AGBL4: variants seen among roughly 807,000 people sequenced by gnomAD.
The protein encoded by AGBL4 is AGBL carboxypeptidase 4.
Under a neutral mutation model 66.4 loss-of-function variants are expected in AGBL4, and 58 were observed. The ratio of observed to expected loss-of-function variants is 0.87; its 90% CI spans 0.71 to 1.09. AGBL4 has a LOEUF of 1.09. Ranked by LOEUF, AGBL4 falls within the 50% of genes least tolerant of loss-of-function variation. The pLI is 0.00. For synonymous variants in AGBL4, 234 were observed against 222.9 expected, an observed-to-expected ratio of 1.05 and a Z score of -0.44; for missense variants, 579 against 631.0, an observed-to-expected ratio of 0.92 and a Z score of 0.88.
chr1:48,580,393 C>A lies in AGBL4; in HGVS notation c.1267+6611G>T, dbSNP rs559262227. On this transcript the variant is annotated intron_variant, in intron 11 of 13. Coordinates refer to ENST00000371839, the MANE Select transcript of AGBL4 (RefSeq NM_032785.4). ...GGAGGAGTAAACAGCTACTGTTACC[C>A]AGATTGAGGGGAAAGGCTGGGAAGC... 1.1e-4 allele frequency among the ~76,000 whole-genome samples: 17 copies of A among 152,302 alleles called. No homozygotes were observed. In the South Asian group the frequency reaches 3.1e-3, roughly 28 times the overall value.
At chr1:48,865,574 G>A (rs1331490141) in intron 6 of AGBL4, among the ~76,000 whole-genome samples, 1 of 151,964 alleles carries the variant, frequency 6.6e-6, no homozygotes, top group Admixed American at 6.6e-5. Flanking sequence ...CAATCCCAAA[G>A]CTGTCTAAAT....
intron 2 of AGBL4, among the ~76,000 whole-genome samples, chr1:49,803,689 G>A (rs1269329999): frequency 1.3e-5 from 2 of 152,066 alleles, no homozygotes; most frequent in African/African-American, 4.8e-5. Context: ...GCCTCAACGT[G>A]TCGCTGACAT....
intron 11 of AGBL4, among the ~76,000 whole-genome samples, chr1:48,550,832 G>C (rs938464045): frequency 2.0e-5 from 3 of 152,158 alleles, no homozygotes; most frequent in African/African-American, 7.2e-5. Context: ...CCAGGATTCA[G>C]ACCCAGATAT....
intron 3 of AGBL4, among the ~76,000 whole-genome samples, chr1:49,390,541 T>C (rs1380207545): frequency 6.6e-6 from 1 of 152,250 alleles, no homozygotes; most frequent in African/African-American, 2.4e-5. Flanking sequence ...CATACTTGCA[T>C]TGCTTTTCAC....
chr1:49,389,820 G>A (rs187180553), intron 3 of AGBL4, among the ~76,000 whole-genome samples: 74 of 152,216 alleles, frequency 4.9e-4, no homozygotes. Flanking sequence ...TAGAAGCCAT[G>A]GCTCACATTT....
chr1:49,479,811 C>T (rs1646919053), intron 3 of AGBL4, among the ~76,000 whole-genome samples: 2 of 151,408 alleles, frequency 1.3e-5, no homozygotes, highest in Admixed American at 6.6e-5. Context: ...ACACCATTCT[C>T]CTGCCTCAGC....
intron 3 of AGBL4, among the ~76,000 whole-genome samples, chr1:49,611,657 G>C (rs775196046): frequency 6.6e-6 from 1 of 152,084 alleles, no homozygotes; most frequent in African/African-American, 2.4e-5. Flanking sequence ...GATTACAGGC[G>C]TGAGCCACCG....
At chr1:49,903,322 A>G (rs1269203411) in intron 1 of AGBL4, among the ~76,000 whole-genome samples, 2 of 152,286 alleles carry the variant, frequency 1.3e-5, no homozygotes. Context: ...GGACATAAAG[A>G]GGAGAACAAT....
At chr1:49,496,932 T>C (rs185011309) in intron 3 of AGBL4, among the ~76,000 whole-genome samples, 438 of 152,140 alleles carry the variant, frequency 2.9e-3, no homozygotes, top group African/African-American at 0.01. Flanking sequence ...TTTTAATTTT[T>C]TGAGAAACAT....
intron 5 of AGBL4, among the ~76,000 whole-genome samples, chr1:48,892,606 G>A (rs74217058): frequency 4.5e-4 from 68 of 152,226 alleles, no homozygotes; most frequent in Admixed American, 2.6e-3. Context: ...GCGGGGAGGG[G>A]GCTTCAGGGC....
chr1:48,608,874 C>A (rs536363636), intron 9 of AGBL4, among the ~76,000 whole-genome samples: 1 of 152,022 alleles, frequency 6.6e-6, no homozygotes, highest in African/African-American at 2.4e-5. Flanking sequence ...AACAATAATC[C>A]TTCACATTTG....
rs1221651473 is a variant in AGBL4 at position 48,587,043 on chromosome 1, T to G, written c.1228A>C (p.Ser410Arg). The change falls in exon 11 of 14, where the codon AGT becomes CGT. Residue 410 changes from serine to arginine, a missense_variant. By Grantham distance (110) the Ser-to-Arg change is moderately radical. Transcript: ENST00000371839. ...LEVSFYSYII[S>R]GTTAAVPYTE... ...TAGGGCACAGCAGCCGTGGTGCCAC[T>G]GATGATGTAGCTGTAGAAGGAGACC... The G allele has an allele frequency of 6.2e-7, 1 of 1,609,524 alleles. No individual in the cohort carries two copies. Among genetic ancestry groups the G allele is most frequent in the South Asian group, 1.1e-5 (1 of 89,588 alleles).
chr1:49,595,010 C>T (rs1350610454), intron 3 of AGBL4, among the ~76,000 whole-genome samples: 1 of 152,194 alleles, frequency 6.6e-6, no homozygotes, highest in African/African-American at 2.4e-5. Flanking sequence ...GTTCCTATTT[C>T]TCCACATCCT....
chr1:49,790,416 A>G (rs1644569381), intron 2 of AGBL4, among the ~76,000 whole-genome samples: 1 of 151,910 alleles, frequency 6.6e-6, no homozygotes, highest in East Asian at 1.9e-4. Flanking sequence ...GGCAAGATAA[A>G]TACCAAAAAC....
chr1:49,232,586 C>G (rs1459143965), intron 4 of AGBL4, among the ~76,000 whole-genome samples: 1 of 151,784 alleles, frequency 6.6e-6, no homozygotes, highest in Non-Finnish European at 1.5e-5. Context: ...GTAGTCCCAG[C>G]TACTTGGGAG....
chr1:49,749,277 G>T lies in AGBL4; in HGVS notation c.158-51840C>A, dbSNP rs187044577. ...TTAAATAGGGAATCCTTTCCCCATT[G>T]CTTGTTTTCGTCAGGTTTGTCAAAG... On this transcript the variant is annotated intron_variant, in intron 2 of 13. Coordinates refer to ENST00000371839, the MANE Select transcript of AGBL4 (RefSeq NM_032785.4). Among the ~76,000 whole-genome samples the T allele has an allele frequency of 6.7e-3, 1,017 of 152,166 alleles. 11 individuals are homozygous for T. The highest frequency in any genetic ancestry group is 0.021 in the African/African-American group (889 of 41,528).
rs549273018 is a variant in AGBL4, at chr1:50,014,584, GTA to G, written c.34+9177_34+9178del. ...GGAGAGAGTCTTGCTCTGTGCAATG[GTA>G]TAGTCTCAGCTCACTGCAACCTCCA... On this transcript the variant is annotated intron_variant, in intron 1 of 13. Coordinates refer to ENST00000371839, the MANE Select transcript of AGBL4 (RefSeq NM_032785.4). Among the ~76,000 whole-genome samples the G allele has an allele frequency of 1.0e-3, 144 of 142,974 alleles. 1 individual carries two copies. Among genetic ancestry groups the G allele is most frequent in the Middle Eastern group, 3.8e-3 (1 of 260 alleles). 93.8% of individuals were successfully genotyped at this position (142,974 alleles called of 152,430 possible). A position where few individuals can be genotyped will look rare whatever the true frequency, so the allele number is the denominator to read the frequency against.
intron 5 of AGBL4, among the ~76,000 whole-genome samples, chr1:48,875,895 T>A (rs77538350): frequency 6.6e-6 from 1 of 152,154 alleles, no homozygotes; most frequent in Non-Finnish European, 1.5e-5. Context: ...CCATACTGAT[T>A]GCCTCTGAAG....
At chr1:49,796,491 A>G (rs1644732760) in intron 2 of AGBL4, among the ~76,000 whole-genome samples, 1 of 151,524 alleles carries the variant, frequency 6.6e-6, no homozygotes, top group African/African-American at 2.4e-5. Context: ...TCTGTTACAA[A>G]GACTATTAAA....
Sources: allele counts gnomAD v4.1 joint callset (sites outside exome capture counted in the v4.1 genomes callset), GRCh38; gene constraint gnomAD v4.1.1; transcripts MANE v1.5; gene names NCBI Gene and HGNC (gene_info 2026-07-23, HGNC 2026-07-21).